REDIC1: variants seen among roughly 807,000 people sequenced by gnomAD.
REDIC1 encodes regulator of DNA class I crossover intermediates 1, also known as HEI10 Interacting Protein 1.
the REDIC1 span, among the ~76,000 whole-genome samples, chr12:39,653,442 T>C: frequency 6.6e-6 from 1 of 151,830 alleles, no homozygotes; most frequent in Non-Finnish European, 1.5e-5. Flanking sequence ...CATGTTGGAA[T>C]ACATTGTCCA....
chr12:39,699,783 C>T, the REDIC1 span, among the ~76,000 whole-genome samples: 4 of 152,306 alleles, frequency 2.6e-5, no homozygotes, highest in African/African-American at 7.2e-5. Context: ...GGGTCCCTGA[C>T]CCCTGACCCC....
At chr12:39,710,901 T>C in the REDIC1 span, among the ~76,000 whole-genome samples, 1 of 151,664 alleles carries the variant, frequency 6.6e-6, no homozygotes, top group Non-Finnish European at 1.5e-5. Flanking sequence ...TCTTTTTTTT[T>C]AATTTTTACC....
chr12:39,735,300 A>T, the REDIC1 span, among the ~76,000 whole-genome samples: 1 of 152,220 alleles, frequency 6.6e-6, no homozygotes, highest in South Asian at 2.1e-4. Flanking sequence ...GCTGAAAGGA[A>T]ATTAAAGATA....
chr12:39,734,959 A>T, the REDIC1 span, among the ~76,000 whole-genome samples: 1 of 152,240 alleles, frequency 6.6e-6, no homozygotes, highest in East Asian at 1.9e-4. Context: ...TAGTTTTATA[A>T]TCAATGAATA....
At chr12:39,852,500 C>T in the REDIC1 span, among the ~76,000 whole-genome samples, 3 of 152,310 alleles carry the variant, frequency 2.0e-5, no homozygotes, top group Non-Finnish European at 4.4e-5. Context: ...TCATGACTCA[C>T]AGAAGATAAC....
chr12:39,684,797 C>A, the REDIC1 span: 4 of 1,160,910 alleles, frequency 3.4e-6, no homozygotes, highest in African/African-American at 4.6e-5. Context: ...AGTTTGGGAA[C>A]TCTAATTTAG....
the REDIC1 span, chr12:39,647,958 A>T: frequency 3.8e-6 from 6 of 1,560,562 alleles, no homozygotes; most frequent in Non-Finnish European, 5.2e-6. Context: ...CTTGCATATG[A>T]AAAAAAGCAG....
chr12:39,711,203 T>C, the REDIC1 span, among the ~76,000 whole-genome samples: 1 of 151,166 alleles, frequency 6.6e-6, no homozygotes, highest in South Asian at 2.1e-4. Context: ...ATTCCTTCCT[T>C]TTTATGGCTG....
the REDIC1 span, among the ~76,000 whole-genome samples, chr12:39,847,658 C>T: frequency 6.6e-6 from 1 of 152,062 alleles, no homozygotes; most frequent in African/African-American, 2.4e-5. Flanking sequence ...AGATGTAGCA[C>T]ATTGGTCCCC....
chr12:39,713,624 G>A, the REDIC1 span, among the ~76,000 whole-genome samples: 3 of 145,722 alleles, frequency 2.1e-5, no homozygotes, highest in Admixed American at 6.9e-5. Flanking sequence ...ATATACGCAT[G>A]TATACAGTAC....
the REDIC1 span, among the ~76,000 whole-genome samples, chr12:39,876,588 G>A: frequency 1.3e-5 from 2 of 152,096 alleles, no homozygotes; most frequent in South Asian, 4.1e-4. Context: ...ACTGATAATA[G>A]AGAGGTAGAA....
the REDIC1 span, among the ~76,000 whole-genome samples, chr12:39,746,863 G>C: frequency 6.6e-6 from 1 of 152,242 alleles, no homozygotes; most frequent in South Asian, 2.1e-4. Flanking sequence ...GCAGCTGAGG[G>C]TCCTGACTGT....
At chr12:39,726,833 C>T in the REDIC1 span, among the ~76,000 whole-genome samples, 1 of 152,146 alleles carries the variant, frequency 6.6e-6, no homozygotes, top group South Asian at 2.1e-4. Context: ...CTGTTCTTTC[C>T]TGACGTTTTA....
At chr12:39,651,721 T>G in the REDIC1 span, among the ~76,000 whole-genome samples, 1 of 152,170 alleles carries the variant, frequency 6.6e-6, no homozygotes, top group Non-Finnish European at 1.5e-5. Context: ...CTGAGATACA[T>G]TTTTTAAAAC....
the REDIC1 span, among the ~76,000 whole-genome samples, chr12:39,813,181 T>C: frequency 6.6e-6 from 1 of 151,744 alleles, no homozygotes; most frequent in African/African-American, 2.4e-5. Context: ...AAAACTTCTT[T>C]TATTGGATTA....
chr12:39,715,226 A>T, the REDIC1 span, among the ~76,000 whole-genome samples: 3 of 151,990 alleles, frequency 2.0e-5, no homozygotes, highest in South Asian at 6.2e-4. Flanking sequence ...ATCAATCTTG[A>T]GTTGATTTTT....
chr12:39,720,384 TTTCC>T, the REDIC1 span, among the ~76,000 whole-genome samples: 18 of 152,190 alleles, frequency 1.2e-4, no homozygotes, highest in African/African-American at 4.1e-4. Flanking sequence ...ATGTTAGCTG[TTTCC>T]TTCGAAGGTA....
chr12:39,893,562 A>T, the REDIC1 span, among the ~76,000 whole-genome samples: 1 of 152,228 alleles, frequency 6.6e-6, no homozygotes, highest in Non-Finnish European at 1.5e-5. Context: ...GGTCTCCCAA[A>T]GTGCTGGAAT....
At chr12:39,678,629 C>CAAAA in the REDIC1 span, among the ~76,000 whole-genome samples, 32 of 96,190 alleles carry the variant, frequency 3.3e-4, no homozygotes, top group African/African-American at 7.2e-4. Context: ...AAAGGCATAA[C>CAAAA]AAAAAAAAAA....
Sources: allele counts gnomAD v4.1 joint callset (sites outside exome capture counted in the v4.1 genomes callset), GRCh38; gene constraint gnomAD v4.1.1; transcripts MANE v1.5; gene names NCBI Gene and HGNC (gene_info 2026-07-23, HGNC 2026-07-21).